Variants in ARHGAP32 observed in about 807,000 individuals in gnomAD.
ARHGAP32 encodes Rho GTPase activating protein 32.
ARHGAP32 carries 51 observed loss-of-function variants against 186.5 expected under a neutral mutation model. The ratio of observed to expected loss-of-function variants is 0.27; its 90% CI spans 0.22 to 0.35. The LOEUF (loss-of-function observed/expected upper bound fraction) is 0.35, where lower values mean the gene tolerates loss of function less well. Among genes scored for constraint, ARHGAP32 ranks in the 10% least tolerant of loss-of-function variants. The pLI is 1.00. For synonymous variants in ARHGAP32, 950 were observed against 964.3 expected, an observed-to-expected ratio of 0.99 and a Z score of 0.27; for missense variants, 2,186 against 2,623.5, an observed-to-expected ratio of 0.83 and a Z score of 3.64.
At chr11:129,074,347 G>C (rs1940969514) in intron 6 of ARHGAP32, among the ~76,000 whole-genome samples, 1 of 152,080 alleles carries the variant, frequency 6.6e-6, no homozygotes, top group South Asian at 2.1e-4. Flanking sequence ...ATGAATGATA[G>C]TAATAATACA....
intron 1 of ARHGAP32, among the ~76,000 whole-genome samples, chr11:129,237,767 C>T (rs1310651879): frequency 2.0e-5 from 3 of 152,056 alleles, no homozygotes; most frequent in Non-Finnish European, 4.4e-5. Flanking sequence ...GCAAAGAACC[C>T]CTGAAATGAG....
chr11:128,978,836 C>T lies in ARHGAP32; in HGVS notation c.2056G>A (p.Val686Ile), dbSNP rs1945627635. The change falls in exon 19 of 23, where the codon GTT becomes ATT. Residue 686 changes from valine (V) to isoleucine (I), a missense_variant. This residue lies in a region of ARHGAP32 where 263 missense variants were observed against 323.5 expected (regional missense o/e 0.81). Coordinates refer to ENST00000682385, the MANE Select transcript of ARHGAP32 (RefSeq NM_001378024.1). The part of the protein sequence containing the change: ...SFFNLGKSSS[V>I]SKRKLQRNES... ...TTCCGCTGCAGCTTTCGTTTAGAAA[C>T]AGATGATGATTTCCCCAAGTTGAAA... is the stretch of plus-strand genomic sequence containing the variant. 6.2e-7 allele frequency: 1 copy of T among 1,613,046 alleles called. No individual in the cohort carries two copies. The highest frequency in any genetic ancestry group is 8.5e-7 in the Non-Finnish European group (1 of 1,179,554).
chr11:129,056,835 C>T (rs1168724101), intron 10 of ARHGAP32, among the ~76,000 whole-genome samples: 1 of 152,186 alleles, frequency 6.6e-6, no homozygotes, highest in Non-Finnish European at 1.5e-5. Flanking sequence ...GGTGACACCT[C>T]AGCTCACTCA....
intron 1 of ARHGAP32, among the ~76,000 whole-genome samples, chr11:129,278,426 C>T (rs1206589651): frequency 1.3e-5 from 2 of 152,194 alleles, no homozygotes; most frequent in African/African-American, 4.8e-5. Context: ...GGTGAAGCTA[C>T]AAAAGGTCCA....
chr11:129,089,222 G>A (rs987327504), intron 6 of ARHGAP32, among the ~76,000 whole-genome samples: 57 of 152,196 alleles, frequency 3.7e-4, no homozygotes, highest in African/African-American at 1.4e-3. Flanking sequence ...GCTAAGCACT[G>A]TAGTAAGCAC....
At chr11:129,262,474 T>G (rs1177934361) in intron 1 of ARHGAP32, among the ~76,000 whole-genome samples, 1 of 151,956 alleles carries the variant, frequency 6.6e-6, no homozygotes, top group African/African-American at 2.4e-5. Context: ...GCCTCCACCT[T>G]CTGGGTTCAA....
intron 5 of ARHGAP32, among the ~76,000 whole-genome samples, chr11:129,108,967 G>T (rs1261656644): frequency 6.6e-6 from 1 of 152,034 alleles, no homozygotes; most frequent in Admixed American, 6.5e-5. Context: ...CACATACATG[G>T]TTGTTAACTA....
intron 22 of ARHGAP32, 62 bp from the exon 23 acceptor site, chr11:128,971,221 T>A: frequency 1.4e-6 from 2 of 1,412,290 alleles, no homozygotes; most frequent in South Asian, 1.4e-5. Context: ...CAAGTACTAT[T>A]AAATTTGTAA....
intron 9 of ARHGAP32, among the ~76,000 whole-genome samples, chr11:129,063,409 G>A (rs1370318976): frequency 6.6e-6 from 1 of 151,946 alleles, no homozygotes; most frequent in Non-Finnish European, 1.5e-5. Context: ...GTAGCAAGAT[G>A]TGTTCATTTC....
At position 129,051,752 on chromosome 11, in the gene ARHGAP32, C is replaced by T. The variant is rs201423663; in HGVS notation, c.963+10528G>A. 4.0e-5 allele frequency among the ~76,000 whole-genome samples: 6 copies of T among 151,858 alleles called. No individual in the cohort carries two copies. The South Asian group carries it at 6.2e-4, about 16-fold the overall frequency. On this transcript the variant is annotated intron_variant, in intron 10 of 22. Coordinates refer to ENST00000682385, the MANE Select transcript of ARHGAP32 (RefSeq NM_001378024.1). Reference sequence around the variant, plus strand: ...CAGGCAGATCACAAGGTCAGGAGATCGAGACCATCCTGGCCAACATGGTGA... The same window carrying T: ...CAGGCAGATCACAAGGTCAGGAGATTGAGACCATCCTGGCCAACATGGTGA...
chr11:129,019,179 C>T (rs558743602), intron 11 of ARHGAP32, among the ~76,000 whole-genome samples: 1 of 152,164 alleles, frequency 6.6e-6, no homozygotes, highest in Non-Finnish European at 1.5e-5. Flanking sequence ...GCTCTGCCCT[C>T]TCTCTGGCAC....
intron 14 of ARHGAP32, 125 bp from the exon 15 acceptor site, chr11:128,986,210 C>G (rs1945868609): frequency 1.3e-6 from 1 of 756,668 alleles, no homozygotes; most frequent in African/African-American, 1.8e-5. Context: ...GGCGAGGAAA[C>G]ACAACATTGT....
intron 2 of ARHGAP32, among the ~76,000 whole-genome samples, chr11:129,158,143 A>C (rs1943452088): frequency 6.6e-6 from 1 of 152,168 alleles, no homozygotes; most frequent in Admixed American, 6.5e-5. Context: ...AAAGACCATC[A>C]ACACTATGAA....
At chr11:129,236,519 T>A (rs749850541) in intron 1 of ARHGAP32, among the ~76,000 whole-genome samples, 2 of 152,192 alleles carry the variant, frequency 1.3e-5, no homozygotes, top group African/African-American at 4.8e-5. Context: ...ATTCTGTAGG[T>A]TGTCTGTTTG....
chr11:129,254,995 T>C (rs1049155897), intron 1 of ARHGAP32, among the ~76,000 whole-genome samples: 1 of 152,130 alleles, frequency 6.6e-6, no homozygotes, highest in African/African-American at 2.4e-5. Flanking sequence ...AGTCAGCTGG[T>C]TGAGGGATGC....
chr11:129,278,228 C>T (rs1810956363), intron 1 of ARHGAP32, among the ~76,000 whole-genome samples: 1 of 152,218 alleles, frequency 6.6e-6, no homozygotes, highest in Non-Finnish European at 1.5e-5. Flanking sequence ...TGCTATGGCC[C>T]AGCTGCCAGC....
At chr11:129,081,840 A>G (rs979888513) in intron 6 of ARHGAP32, among the ~76,000 whole-genome samples, 1 of 152,088 alleles carries the variant, frequency 6.6e-6, no homozygotes, top group Non-Finnish European at 1.5e-5. Flanking sequence ...ATGATTGTAT[A>G]CCTAGAAAAC....
At position 129,002,958 on chromosome 11, in the gene ARHGAP32, G is replaced by A. The variant is rs546725022; in HGVS notation, c.1046-4490C>T. Among the ~76,000 whole-genome samples, 92 of 150,786 alleles carry A rather than the reference G, an allele frequency of 6.1e-4. 2 individuals are homozygous for A. The South Asian group carries it at 9.6e-3, about 16-fold the overall frequency. On this transcript the variant is annotated intron_variant, in intron 11 of 22. Coordinates refer to ENST00000682385, the MANE Select transcript of ARHGAP32 (RefSeq NM_001378024.1). Reference sequence around the variant, plus strand: ...CGAGTAGCTGGGACTACAGGCACCCGCCACTACGCCCGGCTAACTTTTTGT... The same window carrying A: ...CGAGTAGCTGGGACTACAGGCACCCACCACTACGCCCGGCTAACTTTTTGT...
At chr11:129,026,342 T>C (rs1938846091) in intron 11 of ARHGAP32, among the ~76,000 whole-genome samples, 1 of 152,214 alleles carries the variant, frequency 6.6e-6, no homozygotes, top group Admixed American at 6.5e-5. Context: ...ATCTAGTGAC[T>C]GTGTAGGAGA....
Sources: gnomAD v4.1 joint callset for allele counts (sites outside exome capture counted in the v4.1 genomes callset) on GRCh38, gnomAD v4.1.1 for gene constraint, gnomAD v4.1.1 regional missense constraint, MANE v1.5 for transcripts, NCBI Gene and HGNC (gene_info 2026-07-23, HGNC 2026-07-21) for gene names.